The following NET1 variants were observed in gnomAD, a reference collection of about 807,000 sequenced individuals.
NET1 encodes neuroepithelial cell transforming 1.
A neutral mutation model predicts 61.1 loss-of-function variants in NET1; 42 were observed. The ratio of observed to expected loss-of-function variants is 0.69; its 90% CI spans 0.54 to 0.89. The LOEUF is 0.89. NET1 is among the 40% of genes least tolerant of loss of function. The pLI is 0.00. For synonymous variants in NET1, 254 were observed against 281.8 expected, an observed-to-expected ratio of 0.90 and a Z score of 0.99; for missense variants, 654 against 747.3, an observed-to-expected ratio of 0.88 and a Z score of 1.46.
Position 5,435,939 on chromosome 10 carries a change from T to A in NET1, c.255+6710T>A, listed in dbSNP as rs1832421853. Among the ~76,000 whole-genome samples, 1 of 152,008 alleles carries A rather than the reference T, an allele frequency of 6.6e-6. No individual in the cohort carries two copies. The highest frequency in any genetic ancestry group is 1.5e-5 in the Non-Finnish European group (1 of 67,978). On this transcript the variant is annotated intron_variant, in intron 3 of 11. Coordinates refer to ENST00000355029, the MANE Select transcript of NET1 (RefSeq NM_001047160.3). The surrounding 1 kb of genome is among the most constrained non-coding windows in gnomAD (Gnocchi z 5.0). ...TAGCAACTACAATCTTTCCTTTTTATTTTGATAGGAAGAGTCAAAAGTGAC... is the reference window on the plus strand; with the variant it reads ...TAGCAACTACAATCTTTCCTTTTTAATTTGATAGGAAGAGTCAAAAGTGAC...
chr10:5,439,708 C>G lies in NET1; in HGVS notation c.255+10479C>G, dbSNP rs1832494696. On this transcript the variant is annotated intron_variant, in intron 3 of 11. Transcript: ENST00000355029. The surrounding 1 kb of genome is among the most constrained non-coding windows in gnomAD (Gnocchi z 4.8). The stretch of plus-strand genomic sequence containing the variant: ...GGAAAGCAGAGCTTTGCTCTGGAAC[C>G]CTAAGGCTCTGCATTGCAGTTCTCT... Among the ~76,000 whole-genome samples the G allele has an allele frequency of 6.6e-6, 1 of 152,042 alleles. No individual in the cohort carries two copies.
At position 5,420,760 on chromosome 10, in the gene NET1, T is replaced by A. The variant is rs1394936253; in HGVS notation, c.129-5895T>A. On this transcript the variant is annotated intron_variant, in intron 1 of 11. Coordinates refer to ENST00000355029, the MANE Select transcript of NET1 (RefSeq NM_001047160.3). The surrounding 1 kb of genome is among the most constrained non-coding windows in gnomAD (Gnocchi z 5.3). ...ACAGGCAAGCGCCACCACGCCCAGC[T>A]AATTTTTGTATTTTTAGTAGAGACG... 6.6e-6 allele frequency among the ~76,000 whole-genome samples: 1 copy of A among 152,044 alleles called. No individual in the cohort carries two copies. Among genetic ancestry groups the A allele is most frequent in the Non-Finnish European group, 1.5e-5 (1 of 67,994 alleles).
Position 5,449,197 on chromosome 10 carries a change from C to A in NET1, c.256-2633C>A, listed in dbSNP as rs192817714. On this transcript the variant is annotated intron_variant, in intron 3 of 11. Transcript: ENST00000355029. The surrounding 1 kb of genome is among the most constrained non-coding windows in gnomAD (Gnocchi z 4.4). ...CTTTACATTTCATAATCACACTTTTCGTTATTTTAGTCATTAAAATTGTTC... is the reference window on the plus strand; with the variant it reads ...CTTTACATTTCATAATCACACTTTTAGTTATTTTAGTCATTAAAATTGTTC... Among the ~76,000 whole-genome samples the A allele has an allele frequency of 6.6e-6, 1 of 152,020 alleles. No homozygotes were observed. Among genetic ancestry groups the A allele is most frequent in the Non-Finnish European group, 1.5e-5 (1 of 67,992 alleles).
rs1166730137 is a variant in NET1 at position 5,456,563 on chromosome 10, T to C, written c.1385-25T>C. On this transcript the variant is annotated intron_variant, in intron 11 of 11. Coordinates refer to ENST00000355029, the MANE Select transcript of NET1 (RefSeq NM_001047160.3). This position sits in a 1 kb window ranked among gnomAD's most constrained non-coding sequence, Gnocchi z 7.0. ...AAACCTTTTTTTAGCCTGATTTCTT[T>C]TTTTTTTCCAATTTTTTTTTTCAGC... The C allele has an allele frequency of 2.0e-6, 3 of 1,515,820 alleles. No homozygotes were observed. In the East Asian group the frequency reaches 6.8e-5, roughly 35 times the overall value. The allele number at this position is 1,515,820 out of a possible 1,614,324, so 93.9% of individuals were successfully genotyped here. A position where few individuals can be genotyped will look rare whatever the true frequency, so the allele number is the denominator to read the frequency against.
At chr10:5,442,877 T>TAAA (rs11377037) in intron 3 of NET1, among the ~76,000 whole-genome samples, 9 of 141,610 alleles carry the variant, frequency 6.4e-5, no homozygotes, top group South Asian at 2.3e-4. Context: ...ACCCTGTCTT[T>TAAA]AAAAAAAAAA....
intron 2 of NET1, among the ~76,000 whole-genome samples, chr10:5,428,181 A>G (rs1272133962): frequency 6.6e-6 from 1 of 152,048 alleles, no homozygotes; most frequent in African/African-American, 2.4e-5. Context: ...AAGAGTTACC[A>G]AGAAGTAAGC....
chr10:5,453,547 T>C lies in NET1; in HGVS notation c.755T>C (p.Ile252Thr), dbSNP rs752870844. The C allele has an allele frequency of 6.2e-7, 1 of 1,614,098 alleles. No homozygotes were observed. ...PDGTVEQIGH[I>T]LVSWLPRLNA... ...GGAACAGTGGAGCAGATTGGTCACATTCTCGTGAGCTGGGTATGTAGTGAG... is the reference window on the plus strand; with the variant it reads ...GGAACAGTGGAGCAGATTGGTCACACTCTCGTGAGCTGGGTATGTAGTGAG... The change falls in exon 8 of 12, where the codon ATT becomes ACT. Residue 252 changes from isoleucine to threonine, a missense_variant. Ile to Thr is a moderately conservative substitution (Grantham distance 89). Transcript: ENST00000355029. The surrounding 1 kb of genome is among the most constrained non-coding windows in gnomAD (Gnocchi z 4.9).
rs572799864 is a variant in NET1 at position 5,424,012 on chromosome 10, T to C, written c.129-2643T>C. ...AATTTTATCATATGATTGGAAATAT[T>C]TTTCCAGTTAACCTTTTAAAAATTC... On this transcript the variant is annotated intron_variant, in intron 1 of 11. Transcript: ENST00000355029. This position sits in a 1 kb window ranked among gnomAD's most constrained non-coding sequence, Gnocchi z 6.1. Among the ~76,000 whole-genome samples the C allele has an allele frequency of 2.4e-4, 36 of 152,308 alleles. No individual in the cohort carries two copies. Among genetic ancestry groups the C allele is most frequent in the Admixed American group, 2.0e-3 (30 of 15,304 alleles).
Position 5,454,219 on chromosome 10 carries a change from G to GGTCATAA in NET1, c.769-45_769-39dup. 6.4e-7 allele frequency: 1 copy of GGTCATAA among 1,556,834 alleles called. No homozygotes were observed. The highest frequency in any genetic ancestry group is 8.7e-7 in the Non-Finnish European group (1 of 1,153,686). ...TGTTTGCAGGCTTGTTAATGCACTCGGTCATAACAGGAACACATCATACCT... is the reference window on the plus strand; with the variant it reads ...TGTTTGCAGGCTTGTTAATGCACTCGGTCATAAGTCATAACAGGAACACATCATACCT... On this transcript the variant is annotated intron_variant, in intron 8 of 11. Coordinates refer to ENST00000355029, the MANE Select transcript of NET1 (RefSeq NM_001047160.3). This position sits in a 1 kb window ranked among gnomAD's most constrained non-coding sequence, Gnocchi z 8.1.
chr10:5,443,127 G>T lies in NET1; in HGVS notation c.256-8703G>T, dbSNP rs1832551920. 6.6e-6 allele frequency among the ~76,000 whole-genome samples: 1 copy of T among 152,146 alleles called. No homozygotes were observed. Among genetic ancestry groups the T allele is most frequent in the African/African-American group, 2.4e-5 (1 of 41,430 alleles). On this transcript the variant is annotated intron_variant, in intron 3 of 11. Coordinates refer to ENST00000355029, the MANE Select transcript of NET1 (RefSeq NM_001047160.3). The surrounding 1 kb of genome is among the most constrained non-coding windows in gnomAD (Gnocchi z 4.8). ...TTAACTTAGGTCACTAACATATACT[G>T]AGCACCTAGTGTGTCTCAGAACATG... is the stretch of plus-strand genomic sequence containing the variant.
At position 5,452,815 on chromosome 10, in the gene NET1, T is replaced by A; in HGVS notation, c.532-43T>A. The A allele has an allele frequency of 6.3e-7, 1 of 1,574,910 alleles. No individual in the cohort carries two copies. Among genetic ancestry groups the A allele is most frequent in the Non-Finnish European group, 8.6e-7 (1 of 1,157,384 alleles). On this transcript the variant is annotated intron_variant, in intron 5 of 11. Transcript: ENST00000355029. The surrounding 1 kb of genome is among the most constrained non-coding windows in gnomAD (Gnocchi z 4.0). ...AATTATCAGTTGTATATAATTTTCC[T>A]TTCTCGAAGGAATGACCTCTGATGT...
intron 3 of NET1, among the ~76,000 whole-genome samples, chr10:5,450,970 G>A (rs2119210028): frequency 1.3e-5 from 2 of 152,256 alleles, no homozygotes; most frequent in African/African-American, 4.8e-5. Flanking sequence ...ATAAATTACT[G>A]TTTGAGAGAG....
In NET1 at chr10:5,426,688, C is replaced by T. The variant is rs780232288; in HGVS notation, c.162C>T (p.Phe54=). The T allele has an allele frequency of 1.9e-6, 3 of 1,606,306 alleles. No individual in the cohort carries two copies. Among genetic ancestry groups the T allele is most frequent in the Non-Finnish European group, 2.5e-6 (3 of 1,177,058 alleles). ...TTCGGAGAGGCAGCTCCTTCACATT[C>T]TTAACACCTGGCCCCAACTGGGACT... The part of the protein sequence containing the change: ...CSLRRGSSFT[F]LTPGPNWDFT... The change falls in exon 2 of 12, where the codon TTC becomes TTT. Residue 54 remains phenylalanine (F), a synonymous_variant. Transcript: ENST00000355029. The surrounding 1 kb of genome is among the most constrained non-coding windows in gnomAD (Gnocchi z 4.6).
chr10:5,452,678 A>G lies in NET1; in HGVS notation c.531+153A>G, dbSNP rs1832727472. ...ATGGTGGTCAAATTAAACAACTCTA[A>G]TAGGGTAAACTTACCAAACATACGG... On this transcript the variant is annotated intron_variant, in intron 5 of 11. Coordinates refer to ENST00000355029, the MANE Select transcript of NET1 (RefSeq NM_001047160.3). This position sits in a 1 kb window ranked among gnomAD's most constrained non-coding sequence, Gnocchi z 4.0. The G allele has an allele frequency of 1.1e-6, 1 of 938,390 alleles. No individual in the cohort carries two copies. The allele number at this position is 938,390 out of a possible 1,614,324, so 58.1% of individuals were successfully genotyped here. A position where few individuals can be genotyped will look rare whatever the true frequency, so the allele number is the denominator to read the frequency against.
In NET1 at chr10:5,458,716, G is replaced by C. The variant is rs1241217744; in HGVS notation, c.*1722G>C. Among the ~76,000 whole-genome samples the C allele has an allele frequency of 1.3e-5, 2 of 152,192 alleles. No individual in the cohort carries two copies. Among genetic ancestry groups the C allele is most frequent in the Non-Finnish European group, 2.9e-5 (2 of 68,038 alleles). ...TGTTACTTTCTGGATAGGATAGTAA[G>C]GGTAGTAGTGGCAAAGGATCCTGAT... On this transcript the variant is annotated 3_prime_UTR_variant, in exon 12 of 12. Coordinates refer to ENST00000355029, the MANE Select transcript of NET1 (RefSeq NM_001047160.3). This position sits in a 1 kb window ranked among gnomAD's most constrained non-coding sequence, Gnocchi z 4.5.
chr10:5,422,541 C>G lies in NET1; in HGVS notation c.129-4114C>G, dbSNP rs1832193783. 6.6e-6 allele frequency among the ~76,000 whole-genome samples: 1 copy of G among 152,178 alleles called. No individual in the cohort carries two copies. The highest frequency in any genetic ancestry group is 1.5e-5 in the Non-Finnish European group (1 of 68,036). On this transcript the variant is annotated intron_variant, in intron 1 of 11. Coordinates refer to ENST00000355029, the MANE Select transcript of NET1 (RefSeq NM_001047160.3). The surrounding 1 kb of genome is among the most constrained non-coding windows in gnomAD (Gnocchi z 4.1). ...TGTTACTTGCTGTTGTCATTATCCC[C>G]TGTTCCCTCTTCCCTGAATTTGCTG...
In NET1 at chr10:5,441,239, C is replaced by T. The variant is rs1380982084; in HGVS notation, c.256-10591C>T. Among the ~76,000 whole-genome samples, 1 of 152,248 alleles carries T rather than the reference C, an allele frequency of 6.6e-6. No individual in the cohort carries two copies. Among genetic ancestry groups the T allele is most frequent in the Non-Finnish European group, 1.5e-5 (1 of 68,038 alleles). On this transcript the variant is annotated intron_variant, in intron 3 of 11. Transcript: ENST00000355029. The surrounding 1 kb of genome is among the most constrained non-coding windows in gnomAD (Gnocchi z 4.6). ...TGGCCTTTCGGGTGTCCATCCCACA[C>T]ACCCGTGGCTACACATGTGCATGTG...
In NET1 at chr10:5,452,760, TAAA is replaced by T; in HGVS notation, c.532-96_532-94del. The T allele has an allele frequency of 8.5e-7, 1 of 1,179,208 alleles. No individual in the cohort carries two copies. Among genetic ancestry groups the T allele is most frequent in the Admixed American group, 2.2e-5 (1 of 45,384 alleles). 73.0% of individuals were successfully genotyped at this position (1,179,208 alleles called of 1,614,324 possible). On this transcript the variant is annotated intron_variant, in intron 5 of 11. Coordinates refer to ENST00000355029, the MANE Select transcript of NET1 (RefSeq NM_001047160.3). This position sits in a 1 kb window ranked among gnomAD's most constrained non-coding sequence, Gnocchi z 4.0. ...ACAATTTTCAGACTGAGTTACTTTT[TAAA>T]ATGCCGTTCAAAACATCAAATAATG... is the stretch of plus-strand genomic sequence containing the variant.
Position 5,458,283 on chromosome 10 carries a change from G to C in NET1, c.*1289G>C, listed in dbSNP as rs909188151. 6.6e-5 allele frequency: 10 copies of C among 152,372 alleles called. No individual in the cohort carries two copies. Among genetic ancestry groups the C allele is most frequent in the Admixed American group, 1.3e-4 (2 of 15,270 alleles). 9.4% of individuals were successfully genotyped at this position (152,372 alleles called of 1,614,324 possible). A position where few individuals can be genotyped will look rare whatever the true frequency, so the allele number is the denominator to read the frequency against. On this transcript the variant is annotated 3_prime_UTR_variant, in exon 12 of 12. Transcript: ENST00000355029. This position sits in a 1 kb window ranked among gnomAD's most constrained non-coding sequence, Gnocchi z 4.5. The stretch of plus-strand genomic sequence containing the variant: ...AAAATGGGATCATCATCTTTGAAAG[G>C]GGGGAGGAGGAGTAAAAGCCCGATT...
Sources: gnomAD v4.1 joint callset for allele counts (sites outside exome capture counted in the v4.1 genomes callset) on GRCh38, gnomAD v4.1.1 for gene constraint, Gnocchi (gnomAD v3.1) non-coding constraint, MANE v1.5 for transcripts, NCBI Gene and HGNC (gene_info 2026-07-23, HGNC 2026-07-21) for gene names.